Variants in ITPR2 observed in about 807,000 individuals in gnomAD.
The protein encoded by ITPR2 is inositol 1,4,5-trisphosphate-gated calcium channel ITPR2.
A neutral mutation model predicts 317.1 loss-of-function variants in ITPR2; 207 were observed. The ratio of observed to expected loss-of-function variants is 0.65; its 90% CI spans 0.58 to 0.73. ITPR2 has a LOEUF of 0.73. Among genes scored for constraint, ITPR2 ranks in the 30% least tolerant of loss-of-function variants. The probability of loss-of-function intolerance (pLI) is 0.00; values close to 1 mark genes in which losing one functional copy is unlikely to be tolerated. For missense variants in ITPR2, 2,613 were observed against 3,284.0 expected, an observed-to-expected ratio of 0.80 and a Z score of 4.99; for synonymous variants, 1,156 against 1,149.1, an observed-to-expected ratio of 1.01 and a Z score of -0.12.
intron 33 of ITPR2, among the ~76,000 whole-genome samples, chr12:26,579,246 T>C (rs960944098): frequency 2.6e-5 from 4 of 152,190 alleles, no homozygotes; most frequent in Non-Finnish European, 4.4e-5. Flanking sequence ...TTTCCTATGG[T>C]TCTATCTAAT....
chr12:26,438,613 T>C (rs913625341), intron 47 of ITPR2, among the ~76,000 whole-genome samples: 2 of 152,232 alleles, frequency 1.3e-5, no homozygotes, highest in African/African-American at 4.8e-5. Flanking sequence ...TGGAATATTA[T>C]AACATTGCTC....
rs1354133414 is a variant in ITPR2 at position 26,649,801 on chromosome 12, A to ATAGG, written c.2740+4174_2740+4175insCCTA. ...GATAGATAGATAGATAGATAGATAGATAGATAGATAGATAGATAGATAGAC... is the reference window on the plus strand; with the variant it reads ...GATAGATAGATAGATAGATAGATAGATAGGTAGATAGATAGATAGATAGATAGAC... On this transcript the variant is annotated intron_variant, in intron 21 of 56. Coordinates refer to ENST00000381340, the MANE Select transcript of ITPR2 (RefSeq NM_002223.4). Among the ~76,000 whole-genome samples, 48 of 151,178 alleles carry ATAGG rather than the reference A, an allele frequency of 3.2e-4. 1 individual carries two copies. Among genetic ancestry groups the ATAGG allele is most frequent in the African/African-American group, 1.1e-3 (47 of 41,066 alleles).
At chr12:26,795,893 A>G (rs558559933) in intron 1 of ITPR2, among the ~76,000 whole-genome samples, 1 of 151,522 alleles carries the variant, frequency 6.6e-6, no homozygotes, top group East Asian at 1.9e-4. Context: ...CTGAGGCGGG[A>G]GAATCGCTTA....
Position 26,683,515 on chromosome 12 carries a change from C to A in ITPR2, c.1149-842G>T, listed in dbSNP as rs1366974672. On this transcript the variant is annotated intron_variant, in intron 11 of 56. Coordinates refer to ENST00000381340, the MANE Select transcript of ITPR2 (RefSeq NM_002223.4). ...TTGTGCTAGATGAGCTTCGTTCATG[C>A]ATGAATTATAGTGCTGTTGACCACA... is the stretch of plus-strand genomic sequence containing the variant. Among the ~76,000 whole-genome samples the A allele has an allele frequency of 2.6e-5, 4 of 152,186 alleles. No homozygotes were observed. The East Asian group carries it at 7.7e-4, about 29-fold the overall frequency.
chr12:26,733,859 AT>A (rs1378517541), intron 2 of ITPR2, among the ~76,000 whole-genome samples: 1 of 152,334 alleles, frequency 6.6e-6, no homozygotes, highest in East Asian at 1.9e-4. Context: ...AATAAAAAAA[AT>A]GTAATAAGCT....
At chr12:26,516,077 T>C (rs897866966) in intron 37 of ITPR2, among the ~76,000 whole-genome samples, 3 of 150,118 alleles carry the variant, frequency 2.0e-5, no homozygotes, top group South Asian at 2.1e-4. Flanking sequence ...TGAGCCATGA[T>C]TGCACCACTG....
intron 2 of ITPR2, among the ~76,000 whole-genome samples, chr12:26,741,163 G>T (rs927693394): frequency 3.3e-5 from 5 of 152,248 alleles, no homozygotes; most frequent in Non-Finnish European, 7.3e-5. Flanking sequence ...TCCCATTGAG[G>T]GGGAGAGCTT....
chr12:26,682,435 T>A, intron 12 of ITPR2, 139 bp downstream of exon 12: 2 of 622,950 alleles, frequency 3.2e-6, no homozygotes, highest in Non-Finnish European at 5.6e-6. Flanking sequence ...CAGACATGCA[T>A]GCTTGATGAA....
chr12:26,549,105 T>A (rs1336520274), intron 37 of ITPR2, among the ~76,000 whole-genome samples: 1 of 152,218 alleles, frequency 6.6e-6, no homozygotes, highest in African/African-American at 2.4e-5. Flanking sequence ...TCTACAGCAA[T>A]ATTTTAAGAG....
At chr12:26,700,429 A>G (rs1007869266) in intron 9 of ITPR2, among the ~76,000 whole-genome samples, 1 of 152,208 alleles carries the variant, frequency 6.6e-6, no homozygotes, top group African/African-American at 2.4e-5. Flanking sequence ...AATTCATTTA[A>G]CCTTACAATT....
chr12:26,644,171 G>A (rs966565202), intron 21 of ITPR2, among the ~76,000 whole-genome samples: 3 of 152,190 alleles, frequency 2.0e-5, no homozygotes, highest in Non-Finnish European at 4.4e-5. Flanking sequence ...GATTTCAAAG[G>A]AGGGGGTGCC....
At chr12:26,764,768 T>C (rs77373960) in intron 2 of ITPR2, among the ~76,000 whole-genome samples, 81 of 152,086 alleles carry the variant, frequency 5.3e-4, no homozygotes, top group African/African-American at 1.9e-3. Context: ...AGAAATTATA[T>C]AGATGGCAAA....
intron 21 of ITPR2, among the ~76,000 whole-genome samples, chr12:26,640,403 G>A (rs1341259126): frequency 6.6e-6 from 1 of 151,804 alleles, no homozygotes; most frequent in Non-Finnish European, 1.5e-5. Flanking sequence ...TACTTAGAAT[G>A]TTACAATCTA....
intron 55 of ITPR2, among the ~76,000 whole-genome samples, chr12:26,349,912 A>T (rs1938427567): frequency 6.6e-6 from 1 of 152,100 alleles, no homozygotes; most frequent in African/African-American, 2.4e-5. Context: ...ACTTCACGGG[A>T]CTCCTAATCT....
At chr12:26,419,771 T>C (rs916424657) in intron 49 of ITPR2, 2 of 152,140 alleles carry the variant, frequency 1.3e-5, no homozygotes, top group Non-Finnish European at 2.9e-5. Context: ...AAAATATCTT[T>C]TCAGGAAATG....
At chr12:26,648,226 C>CT (rs1490678843) in intron 21 of ITPR2, among the ~76,000 whole-genome samples, 1 of 152,220 alleles carries the variant, frequency 6.6e-6, no homozygotes, top group Non-Finnish European at 1.5e-5. Flanking sequence ...CTATTTAAGC[C>CT]TGGCGCCACT....
At position 26,556,330 on chromosome 12, in the gene ITPR2, C is replaced by A. The variant is rs752999617; in HGVS notation, c.4867G>T (p.Ala1623Ser). ...ACATCAACCAACACTGAGAATTCAG[C>A]CTGCATCATTGGGCTGAACTGGTGC... ...LEHQFSPMMQAEFSVLVDVLY... is the reference protein window; with the variant it reads ...LEHQFSPMMQSEFSVLVDVLY... The change falls in exon 36 of 57, where the codon GCT becomes TCT. Residue 1623 changes from alanine (A) to serine (S), a missense_variant. This residue lies in a region of ITPR2 where 926 missense variants were observed against 1,072.8 expected (regional missense o/e 0.86). Transcript: ENST00000381340. The A allele has an allele frequency of 6.2e-7, 1 of 1,614,048 alleles. No individual in the cohort carries two copies. The highest frequency in any genetic ancestry group is 1.7e-5 in the Admixed American group (1 of 59,990).
At chr12:26,781,551 G>T (rs1052405861) in intron 2 of ITPR2, among the ~76,000 whole-genome samples, 15 of 152,110 alleles carry the variant, frequency 9.9e-5, no homozygotes, top group African/African-American at 3.4e-4. Context: ...GCATAATTAT[G>T]ACCTTATTAT....
At chr12:26,694,402 C>T (rs1948297113) in intron 10 of ITPR2, among the ~76,000 whole-genome samples, 1 of 152,188 alleles carries the variant, frequency 6.6e-6, no homozygotes, top group South Asian at 2.1e-4. Flanking sequence ...TTCCTGACAA[C>T]ATTCTCTCCA....
Sources: gnomAD v4.1 joint callset for allele counts (sites outside exome capture counted in the v4.1 genomes callset) on GRCh38, gnomAD v4.1.1 for gene constraint, gnomAD v4.1.1 regional missense constraint, MANE v1.5 for transcripts, NCBI Gene and HGNC (gene_info 2026-07-23, HGNC 2026-07-21) for gene names.